PIWIL4: variants seen among roughly 807,000 people sequenced by gnomAD.
PIWIL4 encodes piwi like RNA-mediated gene silencing 4, also known as piwi-like protein 4.
A neutral mutation model predicts 100.9 loss-of-function variants in PIWIL4; 50 were observed. That is an observed-to-expected ratio of 0.50 (90% CI 0.39 to 0.63). The LOEUF (loss-of-function observed/expected upper bound fraction) is 0.63, where lower values mean the gene tolerates loss of function less well. Ranked by LOEUF, PIWIL4 falls within the 20% of genes least tolerant of loss-of-function variation. The pLI is 0.00. For missense variants in PIWIL4, 887 were observed against 1,043.3 expected, an observed-to-expected ratio of 0.85 and a Z score of 2.06; for synonymous variants, 342 against 367.5, an observed-to-expected ratio of 0.93 and a Z score of 0.79.
At chr11:94,608,831 A>G (rs1367867082) in intron 15 of PIWIL4, 145 bp downstream of exon 15, 5 of 711,894 alleles carry the variant, frequency 7.0e-6, no homozygotes, top group Non-Finnish European at 1.2e-5. Context: ...ACACTTACAT[A>G]TAAAAATGTG....
chr11:94,617,878 C>T, intron 16 of PIWIL4, 76 bp from the exon 17 acceptor site: 6 of 1,499,922 alleles, frequency 4.0e-6, no homozygotes, highest in Non-Finnish European at 5.6e-6. Flanking sequence ...CATTTAAACA[C>T]TGCAATATAT....
At chr11:94,575,235 A>T in intron 3 of PIWIL4, 105 bp downstream of exon 3, 1 of 1,165,960 alleles carries the variant, frequency 8.6e-7, no homozygotes. Flanking sequence ...TGCTTAACAG[A>T]TATTTACTGA....
At position 94,589,252 on chromosome 11, in the gene PIWIL4, A is replaced by T; in HGVS notation, c.1026+20A>T. On this transcript the variant is annotated intron_variant, in intron 8 of 19. Transcript: ENST00000299001. ...AAGCAGGTAGGACTTTTCTTCATGCATCTCTATCTCCTTTTCTTTTACCTC... is the reference window on the plus strand; with the variant it reads ...AAGCAGGTAGGACTTTTCTTCATGCTTCTCTATCTCCTTTTCTTTTACCTC... The T allele has an allele frequency of 6.5e-7, 1 of 1,533,778 alleles. No homozygotes were observed. The highest frequency in any genetic ancestry group is 2.3e-5 in the East Asian group (1 of 44,272).
At chr11:94,572,146 TC>T (rs1411448677) in intron 2 of PIWIL4, among the ~76,000 whole-genome samples, 1 of 152,232 alleles carries the variant, frequency 6.6e-6, no homozygotes, top group Non-Finnish European at 1.5e-5. Context: ...TTTGATTTTT[TC>T]TTGTAAATTT....
intron 13 of PIWIL4, among the ~76,000 whole-genome samples, chr11:94,604,961 C>A (rs1418777254): frequency 6.6e-6 from 1 of 152,144 alleles, no homozygotes; most frequent in African/African-American, 2.4e-5. Context: ...AGAAAAGTGA[C>A]AAGAACAGTA....
chr11:94,571,048 C>G (rs1051718944), intron 2 of PIWIL4, among the ~76,000 whole-genome samples: 1 of 152,162 alleles, frequency 6.6e-6, no homozygotes, highest in Non-Finnish European at 1.5e-5. Flanking sequence ...CTGGTCCCCC[C>G]ACCCATCTCA....
chr11:94,595,874 A>G (rs1183192931), intron 10 of PIWIL4, among the ~76,000 whole-genome samples: 1 of 152,184 alleles, frequency 6.6e-6, no homozygotes, highest in Non-Finnish European at 1.5e-5. Context: ...AATTTGAGAT[A>G]TACCTTTGTG....
At chr11:94,604,521 G>T (rs1190118070) in intron 13 of PIWIL4, among the ~76,000 whole-genome samples, 1 of 152,174 alleles carries the variant, frequency 6.6e-6, no homozygotes, top group Admixed American at 6.5e-5. Flanking sequence ...GCATCACCTG[G>T]TGGGACATCC....
chr11:94,570,615 G>A (rs1045531109), intron 2 of PIWIL4, among the ~76,000 whole-genome samples: 2 of 152,170 alleles, frequency 1.3e-5, no homozygotes, highest in Non-Finnish European at 2.9e-5. Context: ...GCCAGGCCGG[G>A]CGTGATGGCT....
At chr11:94,571,109 C>T (rs1183725979) in intron 2 of PIWIL4, among the ~76,000 whole-genome samples, 1 of 152,026 alleles carries the variant, frequency 6.6e-6, no homozygotes, top group Non-Finnish European at 1.5e-5. Context: ...TGTGTATGTA[C>T]CCCTGTGATC....
intron 15 of PIWIL4, among the ~76,000 whole-genome samples, chr11:94,612,343 A>G (rs1948797052): frequency 7.2e-6 from 1 of 139,106 alleles, no homozygotes; most frequent in Non-Finnish European, 1.6e-5. Context: ...ACAAAAGTCT[A>G]TTTTGCCTAA....
At chr11:94,604,722 G>C (rs1441795212) in intron 13 of PIWIL4, among the ~76,000 whole-genome samples, 2 of 152,126 alleles carry the variant, frequency 1.3e-5, no homozygotes, top group Non-Finnish European at 2.9e-5. Context: ...GCACCCCCAG[G>C]CTATTGTAGG....
At chr11:94,586,302 T>C (rs1274747407) in intron 6 of PIWIL4, among the ~76,000 whole-genome samples, 1 of 152,132 alleles carries the variant, frequency 6.6e-6, no homozygotes, top group African/African-American at 2.4e-5. Context: ...CACATATGCC[T>C]GTCCCGGAGG....
chr11:94,607,955 C>T (rs1441667172), intron 14 of PIWIL4, among the ~76,000 whole-genome samples: 3 of 152,198 alleles, frequency 2.0e-5, no homozygotes, highest in Admixed American at 6.5e-5. Flanking sequence ...AATAGCCTTG[C>T]ACCCTGGATG....
intron 12 of PIWIL4, 52 bp from the exon 13 acceptor site, chr11:94,603,932 T>C (rs1181133141): frequency 5.4e-6 from 6 of 1,105,018 alleles, no homozygotes; most frequent in East Asian, 2.4e-5. Flanking sequence ...CATATAAGTA[T>C]GTGCTACTAA....
intron 2 of PIWIL4, among the ~76,000 whole-genome samples, chr11:94,574,746 T>C (rs1411255443): frequency 6.6e-6 from 1 of 152,178 alleles, no homozygotes; most frequent in African/African-American, 2.4e-5. Flanking sequence ...CCTCCTAAAG[T>C]GCTGGGACTA....
chr11:94,617,645 G>A, intron 16 of PIWIL4: 1 of 377,978 alleles, frequency 2.6e-6, no homozygotes, highest in Non-Finnish European at 4.7e-6. Context: ...TTGATTTTAG[G>A]CATTTGTCTA....
Position 94,620,878 on chromosome 11 carries a change from C to T in PIWIL4, c.2445C>T (p.Gly815=), listed in dbSNP as rs1948898283. Residue 815 remains glycine, a splice_region_variant and synonymous_variant, in exon 20 of 20, where the codon GGC becomes GGT. Coordinates refer to ENST00000299001, the MANE Select transcript of PIWIL4 (RefSeq NM_152431.3). Reference sequence around the variant, plus strand: ...TATCAATACTTTTTTCTCCTCAGGGCATAGTCAGTGTCCCAGCACCATGTC... The same window carrying T: ...TATCAATACTTTTTTCTCCTCAGGGTATAGTCAGTGTCCCAGCACCATGTC... The part of the protein sequence containing the change: ...KLCHLYYNWP[G]IVSVPAPCQY... 6.2e-7 allele frequency: 1 copy of T among 1,610,584 alleles called. No individual in the cohort carries two copies. The highest frequency in any genetic ancestry group is 8.5e-7 in the Non-Finnish European group (1 of 1,177,226).
In PIWIL4 at chr11:94,583,597, T is replaced by G. The variant is rs111640797; in HGVS notation, c.635+28T>G. 5.7e-4 allele frequency: 924 copies of G among 1,612,902 alleles called. 5 individuals carry two copies. The African/African-American group carries it at 0.011, about 20-fold the overall frequency. ...AAGGCACTGGAAATGTGAATTTAAT[T>G]TGGGCTAATGATACCTTTCAGCATA... On this transcript the variant is annotated intron_variant, in intron 5 of 19. Coordinates refer to ENST00000299001, the MANE Select transcript of PIWIL4 (RefSeq NM_152431.3).
Sources: gnomAD v4.1 joint callset for allele counts (sites outside exome capture counted in the v4.1 genomes callset) on GRCh38, gnomAD v4.1.1 for gene constraint, MANE v1.5 for transcripts, NCBI Gene and HGNC (gene_info 2026-07-23, HGNC 2026-07-21) for gene names.